RIC1: variants seen among roughly 807,000 people sequenced by gnomAD.
RIC1 encodes guanine nucleotide exchange factor subunit RIC1.
In RIC1, 88 loss-of-function variants were observed where a neutral mutation model predicts 169.0. That is an observed-to-expected ratio of 0.52 (90% CI 0.44 to 0.62). The LOEUF is 0.62. RIC1 is among the 20% of genes least tolerant of loss of function. The pLI is 0.00. For synonymous variants in RIC1, 790 were observed against 601.5 expected (o/e 1.31, Z -4.59); for missense variants, 1,877 against 1,725.5 (o/e 1.09, Z -1.56).
intron 8 of RIC1, among the ~76,000 whole-genome samples, chr9:5,741,675 CTTGT>C (rs1469421913): frequency 2.0e-5 from 3 of 152,026 alleles, no homozygotes; most frequent in East Asian, 1.9e-4. Flanking sequence ...CATCCTGCTC[CTTGT>C]TTGAGTCTTC....
chr9:5,662,096 T>C (rs930804205), intron 2 of RIC1, among the ~76,000 whole-genome samples: 1 of 152,212 alleles, frequency 6.6e-6, no homozygotes, highest in Non-Finnish European at 1.5e-5. Flanking sequence ...AATCATGTGG[T>C]TTTTGTGTTC....
chr9:5,632,173 C>T (rs906713400), intron 1 of RIC1, among the ~76,000 whole-genome samples: 1 of 152,146 alleles, frequency 6.6e-6, no homozygotes, highest in African/African-American at 2.4e-5. Context: ...TTTGTTAGGG[C>T]TCACTTAGTA....
At chr9:5,676,167 T>C (rs1339033028) in intron 2 of RIC1, among the ~76,000 whole-genome samples, 1 of 152,184 alleles carries the variant, frequency 6.6e-6, no homozygotes, top group African/African-American at 2.4e-5. Context: ...TACGCCCACC[T>C]CAGACTCCCA....
chr9:5,753,139 A>T, intron 12 of RIC1, 61 bp from the exon 13 acceptor site: 1 of 1,437,638 alleles, frequency 7.0e-7, no homozygotes, highest in Non-Finnish European at 9.8e-7. Flanking sequence ...GTGATAACTT[A>T]ATGCTTTAAG....
At chr9:5,630,118 C>G (rs1817648577) in intron 1 of RIC1, among the ~76,000 whole-genome samples, 1 of 152,134 alleles carries the variant, frequency 6.6e-6, no homozygotes, top group African/African-American at 2.4e-5. Context: ...CGCGGAACTC[C>G]CAGTTATAAC....
intron 10 of RIC1, among the ~76,000 whole-genome samples, chr9:5,744,059 C>G (rs1302098257): frequency 6.6e-6 from 1 of 151,994 alleles, no homozygotes; most frequent in Non-Finnish European, 1.5e-5. Flanking sequence ...AATCACAAAA[C>G]TATTTTAGTC....
intron 2 of RIC1, among the ~76,000 whole-genome samples, chr9:5,664,851 G>A (rs1270301831): frequency 6.6e-6 from 1 of 151,966 alleles, no homozygotes; most frequent in African/African-American, 2.4e-5. Context: ...TCTTATTTCA[G>A]CAAGATAGTC....
chr9:5,666,206 C>G (rs1411748238), intron 2 of RIC1, among the ~76,000 whole-genome samples: 1 of 152,220 alleles, frequency 6.6e-6, no homozygotes, highest in African/African-American at 2.4e-5. Context: ...TGGCCATGAT[C>G]TGGCAGTGTG....
chr9:5,769,582 A>C (rs760476626), intron 22 of RIC1: 139 of 703,502 alleles, frequency 2.0e-4, no homozygotes, highest in Non-Finnish European at 2.7e-4. Context: ...AATCAGATAG[A>C]CATGGACCTC....
At chr9:5,747,656 G>C (rs1387954668) in intron 12 of RIC1, 151 bp downstream of exon 12, 1 of 685,134 alleles carries the variant, frequency 1.5e-6, no homozygotes, top group Non-Finnish European at 2.5e-6. Context: ...CTGTGTTCTT[G>C]TCCTCTAGTC....
At position 5,761,988 on chromosome 9, in the gene RIC1, C is replaced by G. The variant is rs566523881; in HGVS notation, c.1993-553C>G. ...TTAAATAACTGTCTTATTCAAGAAC[C>G]ATAAGTAGTGGCTTCTTTCCTGCTG... On this transcript the variant is annotated intron_variant, in intron 17 of 25. Transcript: ENST00000414202. 1.1e-4 allele frequency among the ~76,000 whole-genome samples: 17 copies of G among 152,304 alleles called. No individual in the cohort carries two copies. The South Asian group carries it at 3.5e-3, about 32-fold the overall frequency.
chr9:5,740,195 GC>G (rs1266517669), intron 8 of RIC1, among the ~76,000 whole-genome samples: 2 of 152,072 alleles, frequency 1.3e-5, no homozygotes, highest in Non-Finnish European at 2.9e-5. Context: ...TAAACTCCTT[GC>G]GTCTCACAAG....
rs369742628 is a variant in RIC1 at position 5,763,891 on chromosome 9, G to A, written c.2841+23G>A. 2 of 1,583,998 alleles carry A rather than the reference G, an allele frequency of 1.3e-6. No individual in the cohort carries two copies. Among genetic ancestry groups the A allele is most frequent in the East Asian group, 2.3e-5 (1 of 44,420 alleles). Reference sequence around the variant, plus strand: ...CAGGTAACAATTCTCTTCTTATAAAGGGGCAAGAATTAATGAGCTTAAACT... The same window carrying A: ...CAGGTAACAATTCTCTTCTTATAAAAGGGCAAGAATTAATGAGCTTAAACT... On this transcript the variant is annotated intron_variant, in intron 19 of 25. Transcript: ENST00000414202. This position sits in a 1 kb window ranked among gnomAD's most constrained non-coding sequence, Gnocchi z 5.2.
chr9:5,634,005 T>G lies in RIC1; in HGVS notation c.144+4552T>G, dbSNP rs73390659. On this transcript the variant is annotated intron_variant, in intron 1 of 25. Transcript: ENST00000414202. ...ATCATGAAGTTGTTTTTTGTCTTGC[T>G]TACTTAGTATACTGTCCTTAAGTTT... Among the ~76,000 whole-genome samples the G allele has an allele frequency of 1.0e-2, 1,517 of 152,336 alleles. 29 individuals are homozygous for G. The highest frequency in any genetic ancestry group is 0.034 in the African/African-American group (1,430 of 41,572).
intron 2 of RIC1, among the ~76,000 whole-genome samples, chr9:5,663,563 A>T (rs1001077506): frequency 1.1e-4 from 16 of 152,026 alleles, no homozygotes; most frequent in African/African-American, 3.4e-4. Flanking sequence ...TGAACCCTTT[A>T]TGTAACGCCC....
At chr9:5,688,845 A>T (rs758613777) in intron 2 of RIC1, among the ~76,000 whole-genome samples, 1 of 152,162 alleles carries the variant, frequency 6.6e-6, no homozygotes, top group Non-Finnish European at 1.5e-5. Context: ...ATAGGAATTC[A>T]GTATTACTGT....
intron 2 of RIC1, among the ~76,000 whole-genome samples, chr9:5,665,070 A>C (rs891205731): frequency 6.6e-6 from 1 of 152,108 alleles, no homozygotes. Context: ...GTCCCTAAGA[A>C]CTTGCTTTGT....
At chr9:5,642,990 A>G (rs1290808098) in intron 1 of RIC1, among the ~76,000 whole-genome samples, 1 of 152,264 alleles carries the variant, frequency 6.6e-6, no homozygotes, top group East Asian at 1.9e-4. Context: ...AGATATTATG[A>G]AGGAATACAA....
chr9:5,743,783 G>C (rs375470085), intron 10 of RIC1, 46 bp downstream of exon 10: 25 of 1,364,176 alleles, frequency 1.8e-5, no homozygotes, highest in Non-Finnish European at 2.6e-5. Flanking sequence ...AAAAAACTTG[G>C]ATTTTTCTTC....
Sources: gnomAD v4.1 joint callset for allele counts (sites outside exome capture counted in the v4.1 genomes callset) on GRCh38, gnomAD v4.1.1 for gene constraint, Gnocchi (gnomAD v3.1) non-coding constraint, MANE v1.5 for transcripts, NCBI Gene and HGNC (gene_info 2026-07-23, HGNC 2026-07-21) for gene names.